MYO18B: variants seen among roughly 807,000 people sequenced by gnomAD.
MYO18B encodes unconventional myosin-XVIIIb.
Under a neutral mutation model 273.0 loss-of-function variants are expected in MYO18B, and 204 were observed. That is an observed-to-expected ratio of 0.75 (90% CI 0.67 to 0.84). The LOEUF is 0.84. Ranked by LOEUF, MYO18B falls within the 40% of genes least tolerant of loss-of-function variation. The pLI, the probability that MYO18B is intolerant of heterozygous loss-of-function variation, is 0.00. For missense variants in MYO18B, 3,212 were observed against 3,287.6 expected, an observed-to-expected ratio of 0.98 and a Z score of 0.56; for synonymous variants, 1,330 against 1,305.7, an observed-to-expected ratio of 1.02 and a Z score of -0.40.
chr22:25,991,884 A>T (rs1266169283), intron 39 of MYO18B, among the ~76,000 whole-genome samples: 1 of 149,708 alleles, frequency 6.7e-6, no homozygotes, highest in Non-Finnish European at 1.5e-5. Flanking sequence ...CTGTGAGGAC[A>T]GCAAGGTGGG....
chr22:25,902,524 G>A (rs1212272284), intron 29 of MYO18B, 89 bp from the exon 30 acceptor site: 3 of 1,402,916 alleles, frequency 2.1e-6, no homozygotes, highest in Admixed American at 5.2e-5. Flanking sequence ...GAAACTAGCG[G>A]CCTCTCTGCA....
Position 25,769,948 on chromosome 22 carries a change from A to G in MYO18B, c.1513-162A>G. ...TCTCGGCTCCACCTCCCGGGTCCGC[A>G]ACGGGAATCTGCATTTAAATAAGCA... On this transcript the variant is annotated intron_variant, in intron 4 of 43. Coordinates refer to ENST00000335473, the MANE Select transcript of MYO18B (RefSeq NM_032608.7). The G allele has an allele frequency of 6.9e-6, 5 of 721,934 alleles. No individual in the cohort carries two copies. In the South Asian group the frequency reaches 8.2e-5, roughly 12 times the overall value. 44.7% of individuals were successfully genotyped at this position (721,934 alleles called of 1,614,324 possible). A position where few individuals can be genotyped will look rare whatever the true frequency, so the allele number is the denominator to read the frequency against.
intron 7 of MYO18B, among the ~76,000 whole-genome samples, 161 bp from the exon 8 acceptor site, chr22:25,777,422 T>C (rs547381721): frequency 6.6e-5 from 10 of 152,320 alleles, no homozygotes; most frequent in African/African-American, 2.4e-4. Flanking sequence ...ACATACAGGC[T>C]TGGCTCCTCC....
chr22:25,848,858 G>A (rs1390398107), intron 20 of MYO18B, among the ~76,000 whole-genome samples: 1 of 152,164 alleles, frequency 6.6e-6, no homozygotes, highest in Non-Finnish European at 1.5e-5. Context: ...CACCTCATTT[G>A]GTTAAAGTCT....
chr22:26,041,084 G>C, the MYO18B span, among the ~76,000 whole-genome samples: 1 of 152,172 alleles, frequency 6.6e-6, no homozygotes, highest in Non-Finnish European at 1.5e-5. Context: ...TGTGACCCAG[G>C]ACAGCTCTGA....
chr22:25,815,185 T>C (rs1005539450), intron 12 of MYO18B, among the ~76,000 whole-genome samples: 2 of 152,184 alleles, frequency 1.3e-5, no homozygotes, highest in Admixed American at 6.5e-5. Flanking sequence ...GTTTGATAGA[T>C]TGAATGGCCC....
At chr22:25,833,426 G>A (rs2089785364) in intron 16 of MYO18B, among the ~76,000 whole-genome samples, 1 of 151,992 alleles carries the variant, frequency 6.6e-6, no homozygotes, top group Non-Finnish European at 1.5e-5. Context: ...ACCATGTTGG[G>A]TTCAGGGCCC....
At chr22:25,856,094 A>AT in intron 21 of MYO18B, among the ~76,000 whole-genome samples, 1 of 152,082 alleles carries the variant, frequency 6.6e-6, no homozygotes, top group African/African-American at 2.4e-5. Context: ...TCTATTTTAA[A>AT]TTTTTTGATG....
At chr22:25,762,342 A>G (rs1192163307) in intron 2 of MYO18B, among the ~76,000 whole-genome samples, 1 of 152,240 alleles carries the variant, frequency 6.6e-6, no homozygotes, top group Admixed American at 6.5e-5. Context: ...AGTCTTTACC[A>G]TACATGCACA....
At position 25,768,422 on chromosome 22, in the gene MYO18B, A is replaced by T; in HGVS notation, c.506A>T (p.Lys169Met). ...GACCCGGACTCAGCCAAGCCAGAGA[A>T]GACTCATCCCCATGACGCCCCCCCT... ...KLDPDSAKPE[K>M]THPHDAPPCK... Residue 169 changes from lysine to methionine, a missense_variant, in exon 4 of 44, where the codon AAG (lysine) becomes ATG (methionine). Transcript: ENST00000335473. 6.2e-7 allele frequency: 1 copy of T among 1,613,588 alleles called. No homozygotes were observed. The highest frequency in any genetic ancestry group is 8.5e-7 in the Non-Finnish European group (1 of 1,179,738).
In MYO18B at chr22:25,933,130, G is replaced by A. The variant is rs189934331; in HGVS notation, c.5517+11721G>A. Among the ~76,000 whole-genome samples the A allele has an allele frequency of 1.1e-3, 167 of 152,162 alleles. 1 individual carries two copies. The highest frequency in any genetic ancestry group is 4.0e-3 in the African/African-American group (164 of 41,514). ...TTGGAGAGTTCAGGCCAGTTGCATT[G>A]TAGAATGTTCCTCAATTTTGGGTGA... is the stretch of plus-strand genomic sequence containing the variant. On this transcript the variant is annotated intron_variant, in intron 34 of 43. Transcript: ENST00000335473.
intron 27 of MYO18B, chr22:25,894,669 CAAT>C (rs1460847658): frequency 6.5e-6 from 1 of 153,354 alleles, no homozygotes; most frequent in African/African-American, 2.4e-5. Context: ...CTGTACAACC[CAAT>C]AAAGTTGGCC....
At chr22:25,755,591 G>C (rs1485035895) in intron 1 of MYO18B, among the ~76,000 whole-genome samples, 2 of 152,230 alleles carry the variant, frequency 1.3e-5, no homozygotes, top group Non-Finnish European at 2.9e-5. Flanking sequence ...GTCATCCGCA[G>C]TGTTGGAGGT....
chr22:25,832,802 T>C (rs1017406402), intron 15 of MYO18B, 115 bp from the exon 16 acceptor site: 13 of 873,382 alleles, frequency 1.5e-5, no homozygotes, highest in Admixed American at 1.4e-4. Context: ...AAAAAACGAT[T>C]TTTTTAAAGG....
chr22:25,771,964 G>GA (rs2086736034), intron 6 of MYO18B, among the ~76,000 whole-genome samples: 1 of 152,230 alleles, frequency 6.6e-6, no homozygotes, highest in Non-Finnish European at 1.5e-5. Context: ...AGAAGAGGAG[G>GA]AAATGGCAGC....
chr22:25,946,316 C>T (rs1330664174), intron 35 of MYO18B, 66 bp downstream of exon 35: 2 of 1,142,718 alleles, frequency 1.8e-6, no homozygotes, highest in African/African-American at 1.6e-5. Flanking sequence ...CTAGTGTGGG[C>T]CTAGTGTGCG....
chr22:26,043,083 C>A, the MYO18B span, among the ~76,000 whole-genome samples: 1 of 152,198 alleles, frequency 6.6e-6, no homozygotes, highest in African/African-American at 2.4e-5. Context: ...CCCAAGCAAC[C>A]ACTGCCCTGA....
chr22:25,895,336 A>G, intron 28 of MYO18B, 56 bp downstream of exon 28: 1 of 1,543,802 alleles, frequency 6.5e-7, no homozygotes, highest in Non-Finnish European at 8.8e-7. Flanking sequence ...GCAGGCTCTC[A>G]CCTCCACTGT....
rs755658692 is a variant in MYO18B at position 26,026,744 on chromosome 22, T to C, written c.6770T>C (p.Leu2257Pro). 11 of 1,612,804 alleles carry C rather than the reference T, an allele frequency of 6.8e-6. No homozygotes were observed. The highest frequency in any genetic ancestry group is 9.3e-6 in the Non-Finnish European group (11 of 1,179,516). The change falls in exon 43 of 44, where the codon CTC becomes CCC. Residue 2257 changes from leucine (L) to proline (P), a missense_variant. Physicochemically the swap from Leu to Pro is moderately conservative, Grantham distance 98 (BLOSUM62 -3). Transcript: ENST00000335473. ...SAALSEFVEG[L>P]RRKRAQRGQG... Reference sequence around the variant, plus strand: ...GCCCTCTCGGAGTTCGTGGAAGGGCTCCGGAGGAAGAGAGCCCAGAGAGGC... The same window carrying C: ...GCCCTCTCGGAGTTCGTGGAAGGGCCCCGGAGGAAGAGAGCCCAGAGAGGC...
Sources: allele counts gnomAD v4.1 joint callset (sites outside exome capture counted in the v4.1 genomes callset), GRCh38; gene constraint gnomAD v4.1.1; transcripts MANE v1.5; gene names NCBI Gene and HGNC (gene_info 2026-07-23, HGNC 2026-07-21).